Variants in BRAF observed in about 807,000 individuals in gnomAD.
The protein encoded by BRAF is B-Raf proto-oncogene, serine/threonine kinase, also known as serine/threonine-protein kinase B-raf.
A neutral mutation model predicts 104.6 loss-of-function variants in BRAF; 16 were observed. The ratio of observed to expected loss-of-function variants is 0.15; its 90% confidence interval spans 0.10 to 0.23. BRAF has a LOEUF of 0.23. BRAF is among the 10% of genes least tolerant of loss of function. The pLI is 1.00. For missense variants in BRAF, 541 were observed against 937.3 expected (o/e 0.58, Z 5.52); for synonymous variants, 310 against 341.6 (o/e 0.91, Z 1.02).
chr7:140,826,566 C>G (rs1806072391), intron 3 of BRAF, among the ~76,000 whole-genome samples: 1 of 152,098 alleles, frequency 6.6e-6, no homozygotes, highest in Admixed American at 6.5e-5. Flanking sequence ...TTGGGAGGGG[C>G]ACAGGAGAAC....
intron 18 of BRAF, 26 bp from the exon 18 acceptor site, chr7:140,734,796 A>AAT: frequency 6.0e-6 from 7 of 1,175,144 alleles, no homozygotes; most frequent in Non-Finnish European, 7.8e-6. Flanking sequence ...GAAAAAAAAA[A>AAT]GAAAAAAAAA....
At chr7:140,879,668 G>T (rs1812658304) in intron 1 of BRAF, among the ~76,000 whole-genome samples, 1 of 151,244 alleles carries the variant, frequency 6.6e-6, no homozygotes, top group Non-Finnish European at 1.5e-5. Flanking sequence ...TTGCCTCAGT[G>T]TTGATGGCTG....
intron 3 of BRAF, among the ~76,000 whole-genome samples, chr7:140,832,273 C>A (rs1806845689): frequency 6.6e-6 from 1 of 152,194 alleles, no homozygotes; most frequent in Non-Finnish European, 1.5e-5. Context: ...GGTTCTACTG[C>A]CCTTTGTTCC....
rs1795286813 is a variant in BRAF, at chr7:140,720,872, G to A, written c.*5622C>T. The A allele has an allele frequency of 1.9e-6, 2 of 1,066,160 alleles. No homozygotes were observed. Among genetic ancestry groups the A allele is most frequent in the African/African-American group, 3.3e-5 (2 of 61,230 alleles). 66.0% of individuals were successfully genotyped at this position (1,066,160 alleles called of 1,614,324 possible). A position where few individuals can be genotyped will look rare whatever the true frequency, so the allele number is the denominator to read the frequency against. On this transcript the variant is annotated 3_prime_UTR_variant, in exon 20 of 20. Transcript: ENST00000644969. Reference sequence around the variant, plus strand: ...AAACCCCCAATCCCACCCGTCAACAGACCCTTCCTTTGCGGCATCTCTTCA... The same window carrying A: ...AAACCCCCAATCCCACCCGTCAACAAACCCTTCCTTTGCGGCATCTCTTCA...
intron 3 of BRAF, among the ~76,000 whole-genome samples, chr7:140,827,473 A>G (rs1160751961): frequency 1.3e-5 from 2 of 151,240 alleles, no homozygotes; most frequent in African/African-American, 4.9e-5. Context: ...GTCCATAGTT[A>G]AAAAATCACA....
rs730880412 is a variant in BRAF at position 140,924,631 on chromosome 7, G to A, written c.73C>T (p.Pro25Ser). 2.6e-6 allele frequency: 4 copies of A among 1,513,418 alleles called. No individual in the cohort carries two copies. The highest frequency in any genetic ancestry group is 2.0e-5 in the Admixed American group (1 of 50,504). The allele number at this position is 1,513,418 out of a possible 1,614,324, so 93.7% of individuals were successfully genotyped here. A position where few individuals can be genotyped will look rare whatever the true frequency, so the allele number is the denominator to read the frequency against. ...GCGCCGGCGCCGGCGCCGGCCTCGG[G>A]CTCCATGTCCCCGTTGAACAGAGCC... ...GQALFNGDMEPEAGAGAGAAA... is the reference protein window; with the variant it reads ...GQALFNGDMESEAGAGAGAAA... Residue 25 changes from proline to serine, a missense_variant, in exon 1 of 20, where the codon CCC becomes TCC. Transcript: ENST00000644969. The surrounding 1 kb of genome is among the most constrained non-coding windows in gnomAD (Gnocchi z 4.2).
intron 1 of BRAF, among the ~76,000 whole-genome samples, chr7:140,923,830 A>G (rs71645940): frequency 3.0e-4 from 46 of 152,294 alleles, no homozygotes; most frequent in African/African-American, 1.1e-3. Context: ...AGCTGGGGTT[A>G]GAAGGCAGGC....
intron 1 of BRAF, among the ~76,000 whole-genome samples, chr7:140,860,131 G>A (rs1323069747): frequency 6.6e-6 from 1 of 152,168 alleles, no homozygotes; most frequent in East Asian, 1.9e-4. Flanking sequence ...CAAAGAGACA[G>A]AATAGAGGGC....
chr7:140,772,132 T>C (rs1314705938), intron 14 of BRAF, among the ~76,000 whole-genome samples: 3 of 151,932 alleles, frequency 2.0e-5, no homozygotes, highest in Non-Finnish European at 2.9e-5. Context: ...CTGAAATGAG[T>C]GACCAGAAGT....
chr7:140,879,517 A>C (rs1434370403), intron 1 of BRAF, among the ~76,000 whole-genome samples: 1 of 149,522 alleles, frequency 6.7e-6, no homozygotes, highest in Non-Finnish European at 1.5e-5. Flanking sequence ...GTGTAGCTAT[A>C]ATGTAGTCTA....
chr7:140,772,286 C>A (rs1586103099), intron 14 of BRAF, among the ~76,000 whole-genome samples: 1 of 151,328 alleles, frequency 6.6e-6, no homozygotes, highest in East Asian at 1.9e-4. Flanking sequence ...ACAACAACAA[C>A]AACAACAACA....
At chr7:140,871,012 G>A (rs757561205) in intron 1 of BRAF, among the ~76,000 whole-genome samples, 46 of 152,000 alleles carry the variant, frequency 3.0e-4, no homozygotes, top group Admixed American at 3.0e-3. Context: ...CAGACCACAA[G>A]GTCAGGAGAT....
chr7:140,892,217 C>T (rs1041119903), intron 1 of BRAF, among the ~76,000 whole-genome samples: 2 of 152,006 alleles, frequency 1.3e-5, no homozygotes, highest in African/African-American at 4.8e-5. Context: ...GATTGTGCCA[C>T]TGCACTCCAG....
chr7:140,886,840 CAT>C (rs1813621408), intron 1 of BRAF, among the ~76,000 whole-genome samples: 1 of 152,120 alleles, frequency 6.6e-6, no homozygotes, highest in South Asian at 2.1e-4. Flanking sequence ...AAGCCCAGGA[CAT>C]AAGTAATTTT....
Position 140,721,764 on chromosome 7 carries a change from G to A in BRAF, c.*4730C>T. ...TGGTGAGGAATGAAACAAGATACAA[G>A]AACCACAGCATGGAATATGTTTTCT... On this transcript the variant is annotated 3_prime_UTR_variant, in exon 20 of 20. Coordinates refer to ENST00000644969, the MANE Select transcript of BRAF (RefSeq NM_001374258.1). 6.7e-7 allele frequency: 1 copy of A among 1,485,390 alleles called. No individual in the cohort carries two copies. The highest frequency in any genetic ancestry group is 1.3e-5 in the South Asian group (1 of 75,624). The allele number at this position is 1,485,390 out of a possible 1,614,324, so 92.0% of individuals were successfully genotyped here. A position where few individuals can be genotyped will look rare whatever the true frequency, so the allele number is the denominator to read the frequency against.
At chr7:140,846,852 T>C (rs1330873961) in intron 2 of BRAF, among the ~76,000 whole-genome samples, 1 of 152,126 alleles carries the variant, frequency 6.6e-6, no homozygotes. Context: ...TAGAGTCCAT[T>C]CATAGTATAT....
At chr7:140,870,611 C>T (rs1811468349) in intron 1 of BRAF, among the ~76,000 whole-genome samples, 2 of 149,832 alleles carry the variant, frequency 1.3e-5, no homozygotes, top group African/African-American at 4.9e-5. Flanking sequence ...TGATATCACC[C>T]TTCTGACTTA....
rs148830528 is a variant in BRAF at position 140,836,755 on chromosome 7, C to T, written c.241-1883G>A. On this transcript the variant is annotated intron_variant, in intron 2 of 19. Coordinates refer to ENST00000644969, the MANE Select transcript of BRAF (RefSeq NM_001374258.1). ...CAGTAAATATATACTGATACATGTGCTTGGCACTGTTAGGGCTCAGACTAC... is the reference window on the plus strand; with the variant it reads ...CAGTAAATATATACTGATACATGTGTTTGGCACTGTTAGGGCTCAGACTAC... 1.7e-3 allele frequency among the ~76,000 whole-genome samples: 254 copies of T among 152,248 alleles called. 1 individual carries two copies. The highest frequency in any genetic ancestry group is 5.9e-3 in the African/African-American group (244 of 41,554).
Position 140,924,669 on chromosome 7 carries a change from GCGCCGCCAC to G in BRAF, c.26_34del (p.Gly9_Gly11del), listed in dbSNP as rs1563042581. The G allele has an allele frequency of 1.5e-6, 2 of 1,292,878 alleles. No homozygotes were observed. Among genetic ancestry groups the G allele is most frequent in the Admixed American group, 2.1e-5 (1 of 48,204 alleles). The allele number at this position is 1,292,878 out of a possible 1,614,324, so 80.1% of individuals were successfully genotyped here. The stretch of plus-strand genomic sequence containing the variant: ...GTTGAACAGAGCCTGGCCCGGCTCC[GCGCCGCCAC>G]CACCGCCACCGCTCAGCGCCGCCAT... On this transcript the variant is annotated inframe_deletion, in exon 1 of 20. Coordinates refer to ENST00000644969, the MANE Select transcript of BRAF (RefSeq NM_001374258.1). This position sits in a 1 kb window ranked among gnomAD's most constrained non-coding sequence, Gnocchi z 4.2.
Sources: allele counts gnomAD v4.1 joint callset (sites outside exome capture counted in the v4.1 genomes callset), GRCh38; gene constraint gnomAD v4.1.1; non-coding constraint Gnocchi (gnomAD v3.1); transcripts MANE v1.5; gene names NCBI Gene and HGNC (gene_info 2026-07-23, HGNC 2026-07-21).